Variants in ZNF568 observed in about 807,000 individuals in gnomAD.
The protein encoded by ZNF568 is p53 inhibitor of SCO2 activation.
In ZNF568, 11 loss-of-function variants were observed where a neutral mutation model predicts 18.1. That is an observed-to-expected ratio of 0.61 (90% CI 0.38 to 1.00). ZNF568 has a LOEUF of 1.00. ZNF568 is among the 50% of genes least tolerant of loss of function. The probability of loss-of-function intolerance (pLI) is 0.01; values close to 1 mark genes in which losing one functional copy is unlikely to be tolerated. For missense variants in ZNF568, 639 were observed against 768.2 expected (o/e 0.83, Z 1.99); for synonymous variants, 213 against 246.6 (o/e 0.86, Z 1.28).
intron 7 of ZNF568, among the ~76,000 whole-genome samples, chr19:36,974,728 T>C (rs968691287): frequency 6.6e-5 from 10 of 152,176 alleles, no homozygotes; most frequent in Non-Finnish European, 1.5e-4. Flanking sequence ...CCTCAGTGAT[T>C]TGGCAGGGAA....
intron 1 of ZNF568, among the ~76,000 whole-genome samples, chr19:36,917,227 G>C (rs1179619182): frequency 1.3e-5 from 2 of 152,156 alleles, no homozygotes; most frequent in Non-Finnish European, 2.9e-5. Flanking sequence ...TGTTCTTTCA[G>C]GGTCTCAGGC....
chr19:36,921,832 G>A (rs1043390783), intron 2 of ZNF568, among the ~76,000 whole-genome samples: 8 of 152,118 alleles, frequency 5.3e-5, no homozygotes, highest in African/African-American at 1.9e-4. Context: ...GGAATAGCTG[G>A]TCTTTGAATG....
intron 4 of ZNF568, among the ~76,000 whole-genome samples, chr19:36,993,002 A>G (rs1046203897): frequency 5.9e-5 from 9 of 152,212 alleles, no homozygotes; most frequent in African/African-American, 1.9e-4. Context: ...ATAGTATTCC[A>G]TGGTATAGAT....
chr19:36,967,391 T>C (rs1287748188), intron 6 of ZNF568, among the ~76,000 whole-genome samples: 1 of 151,994 alleles, frequency 6.6e-6, no homozygotes, highest in African/African-American at 2.4e-5. Flanking sequence ...TGGTGAAACC[T>C]CATCTCTACT....
chr19:36,931,127 C>T (rs961966055), intron 4 of ZNF568, among the ~76,000 whole-genome samples: 2 of 152,162 alleles, frequency 1.3e-5, no homozygotes, highest in African/African-American at 4.8e-5. Flanking sequence ...TGCATATATT[C>T]ATTCTGAGTT....
At chr19:36,959,196 G>A (rs1334488725) in intron 6 of ZNF568, among the ~76,000 whole-genome samples, 2 of 152,098 alleles carry the variant, frequency 1.3e-5, no homozygotes, top group Non-Finnish European at 2.9e-5. Flanking sequence ...TACCTTCTGT[G>A]CCTAGCTTGT....
chr19:36,997,681 C>T (rs1173579226), downstream of ZNF568: 2 of 1,037,012 alleles, frequency 1.9e-6, no homozygotes, highest in South Asian at 2.7e-5. Context: ...ACACCTTAGT[C>T]AACATCAAAG....
intron 5 of ZNF568, 117 bp downstream of exon 5, chr19:36,936,989 G>A: frequency 7.2e-7 from 1 of 1,393,036 alleles, no homozygotes; most frequent in Non-Finnish European, 9.9e-7. Context: ...GTGACTATAT[G>A]TGCTCCACTC....
intron 4 of ZNF568, among the ~76,000 whole-genome samples, chr19:36,931,957 T>G (rs1744389382): frequency 6.6e-6 from 1 of 152,248 alleles, no homozygotes; most frequent in Non-Finnish European, 1.5e-5. Flanking sequence ...TTGCCTATTT[T>G]GGACATTTAA....
In ZNF568 at chr19:36,939,532, CTTTTT is replaced by C. The variant is rs386388962; in HGVS notation, c.358+2311_358+2315del. ...GGTTCATTGAAGATGTATTTTCTTT[CTTTTT>C]TTTTTTTTTTTTTTTTTTTTGAGAC... On this transcript the variant is annotated intron_variant, in intron 6 of 6. Transcript: ENST00000333987. Among the ~76,000 whole-genome samples, 342 of 93,052 alleles carry C rather than the reference CTTTTT, an allele frequency of 3.7e-3. 2 individuals are homozygous for C. The highest frequency in any genetic ancestry group is 0.012 in the African/African-American group (271 of 23,072). The allele number at this position is 93,052 out of a possible 152,430, so 61.0% of individuals were successfully genotyped here. A position where few individuals can be genotyped will look rare whatever the true frequency, so the allele number is the denominator to read the frequency against.
At chr19:36,962,277 GTTTTTTTTTTTTTT>G (rs71177418) in intron 6 of ZNF568, among the ~76,000 whole-genome samples, 1 of 45,266 alleles carries the variant, frequency 2.2e-5, no homozygotes, top group African/African-American at 8.4e-5. Flanking sequence ...GTGTTGCAGT[GTTTTTTTTTTTTTT>G]TTTTTTTTTG....
intron 6 of ZNF568, among the ~76,000 whole-genome samples, chr19:36,968,635 C>T (rs1000020396): frequency 6.7e-6 from 1 of 150,248 alleles, no homozygotes; most frequent in Admixed American, 6.6e-5. Context: ...CCTCAGGTTA[C>T]TTACCAATTA....
downstream of ZNF568, among the ~76,000 whole-genome samples, chr19:36,954,106 C>A (rs1285057914): frequency 6.6e-6 from 1 of 151,872 alleles, no homozygotes; most frequent in East Asian, 1.9e-4. Flanking sequence ...TGCCTGTAAT[C>A]CTAGCTACTC....
intron 6 of ZNF568, among the ~76,000 whole-genome samples, chr19:36,966,264 CA>C (rs2074194175): frequency 6.6e-6 from 1 of 152,042 alleles, no homozygotes. Flanking sequence ...CCAGCCTAGG[CA>C]ACAGAGACTC....
Position 36,920,185 on chromosome 19 carries a change from A to G in ZNF568, c.-185-2401A>G, listed in dbSNP as rs1053142746. Among the ~76,000 whole-genome samples, 11 of 147,880 alleles carry G rather than the reference A, an allele frequency of 7.4e-5. No homozygotes were observed. The East Asian group carries it at 1.2e-3, about 16-fold the overall frequency. ...CTAGGCTAATGGGTGTTTGTGTCTT[A>G]ATTTTTAACAAGAAAGTTTAAAAAG... On this transcript the variant is annotated intron_variant, in intron 2 of 6. Transcript: ENST00000333987.
chr19:36,952,564 T>C lies in ZNF568; in HGVS notation c.*1476T>C, dbSNP rs1225937293. The C allele has an allele frequency of 6.5e-6, 1 of 153,380 alleles. No homozygotes were observed. 9.5% of individuals were successfully genotyped at this position (153,380 alleles called of 1,614,324 possible). A position where few individuals can be genotyped will look rare whatever the true frequency, so the allele number is the denominator to read the frequency against. ...TATTATTGAAAATTGTATGTAAAAC[T>C]ATTTAAAATAGAATAGAAGGATACA... On this transcript the variant is annotated 3_prime_UTR_variant, in exon 7 of 7. Transcript: ENST00000333987.
At position 36,949,954 on chromosome 19, in the gene ZNF568, A is replaced by G. The variant is rs2074029711; in HGVS notation, c.801A>G (p.Thr267=). 4 of 1,613,932 alleles carry G rather than the reference A, an allele frequency of 2.5e-6. No homozygotes were observed. Among genetic ancestry groups the G allele is most frequent in the Non-Finnish European group, 2.5e-6 (3 of 1,179,962 alleles). ...KAFSRKENLI[T]HQKIHTGEKP... ...TCAGTAGGAAGGAAAATCTTATTAC[A>G]CATCAGAAAATTCATACTGGGGAAA... The change falls in exon 7 of 7, where the codon ACA becomes ACG. Residue 267 remains threonine (T), a synonymous_variant. Transcript: ENST00000333987.
intron 4 of ZNF568, among the ~76,000 whole-genome samples, chr19:36,926,482 A>C (rs1354063691): frequency 2.0e-5 from 3 of 152,184 alleles, no homozygotes; most frequent in Non-Finnish European, 4.4e-5. Context: ...TATGAAGTGC[A>C]TGACTGTGGA....
At chr19:36,970,537 T>C (rs2074228291) in intron 6 of ZNF568, among the ~76,000 whole-genome samples, 1 of 151,744 alleles carries the variant, frequency 6.6e-6, no homozygotes, top group South Asian at 2.1e-4. Context: ...GGTTTTGCCA[T>C]GTTGCCGAGG....
Sources: gnomAD v4.1 joint callset for allele counts (sites outside exome capture counted in the v4.1 genomes callset) on GRCh38, gnomAD v4.1.1 for gene constraint, MANE v1.5 for transcripts, NCBI Gene and HGNC (gene_info 2026-07-23, HGNC 2026-07-21) for gene names.